Variants in ARHGEF37 observed in about 807,000 individuals in gnomAD.
The protein encoded by ARHGEF37 is Rho guanine nucleotide exchange factor (GEF) 37.
A neutral mutation model predicts 71.1 loss-of-function variants in ARHGEF37; 55 were observed. That is an observed-to-expected ratio of 0.77 (90% confidence interval 0.62 to 0.97). The LOEUF (loss-of-function observed/expected upper bound fraction) is 0.97. ARHGEF37 is among the 50% of genes least tolerant of loss of function. The probability of loss-of-function intolerance (pLI) is 0.00; values close to 1 mark genes in which losing one functional copy is unlikely to be tolerated. For missense variants in ARHGEF37, 765 were observed against 836.8 expected (o/e 0.91, Z 1.06); for synonymous variants, 327 against 350.6 (o/e 0.93, Z 0.75).
Position 149,627,330 on chromosome 5 carries a change from G to A in ARHGEF37, c.1660+59G>A, listed in dbSNP as rs533893088. On this transcript the variant is annotated intron_variant, in intron 11 of 12. Transcript: ENST00000333677. ...CGGGGAAAACCACCCCACAGAAGCC[G>A]GTGCAGAGACCCGGGCACTCTTGTG... 64 of 1,557,318 alleles carry A rather than the reference G, an allele frequency of 4.1e-5. No homozygotes were observed. The Middle Eastern group carries it at 6.7e-4, about 16-fold the overall frequency.
Position 149,632,083 on chromosome 5 carries a change from C to T in ARHGEF37, c.1920C>T (p.Asn640=), listed in dbSNP as rs758818766. 1.9e-6 allele frequency: 3 copies of T among 1,614,236 alleles called. No individual in the cohort carries two copies. Among genetic ancestry groups the T allele is most frequent in the Non-Finnish European group, 2.5e-6 (3 of 1,180,042 alleles). ...TGGAGGCCCAGGACAAGAAGGGGAA[C>T]CCTGAGTGGAGCCTGGTGGAAGTGA... The part of the protein sequence containing the change: ...TILEAQDKKG[N]PEWSLVEVNG... The change falls in exon 13 of 13, where the codon AAC becomes AAT. Residue 640 remains asparagine, a synonymous_variant. Transcript: ENST00000333677.
At chr5:149,629,402 G>C (rs145010060) in intron 12 of ARHGEF37, among the ~76,000 whole-genome samples, 1 of 152,204 alleles carries the variant, frequency 6.6e-6, no homozygotes, top group Non-Finnish European at 1.5e-5. Context: ...TAATAGCAGA[G>C]GTAAGTACCA....
intron 1 of ARHGEF37, among the ~76,000 whole-genome samples, chr5:149,552,821 C>A (rs781460971): frequency 2.0e-5 from 3 of 151,328 alleles, no homozygotes; most frequent in Non-Finnish European, 4.4e-5. Flanking sequence ...ACAGAGAGAC[C>A]CTGTCTCAAA....
In ARHGEF37 at chr5:149,621,925, T is replaced by G. The variant is rs1752555374; in HGVS notation, c.1198T>G (p.Ser400Ala). The G allele has an allele frequency of 1.9e-6, 3 of 1,614,240 alleles. No individual in the cohort carries two copies. Residue 400 changes from serine (S) to alanine (A), a missense_variant, in exon 9 of 13, where the codon TCG becomes GCG. Transcript: ENST00000333677. The stretch of plus-strand genomic sequence containing the variant: ...CCGGCACACATACCAGGCACTCAAC[T>G]CGCTGCTAGTGGCTGAGCTCCCACA... Reference protein sequence around the residue: ...AARHTYQALNSLLVAELPQFN... With the variant: ...AARHTYQALNALLVAELPQFN...
chr5:149,585,641 C>A (rs1763213918), intron 1 of ARHGEF37, among the ~76,000 whole-genome samples: 1 of 151,950 alleles, frequency 6.6e-6, no homozygotes, highest in Admixed American at 6.6e-5. Context: ...CCTCAGCCTC[C>A]CAAGTAGCTG....
At chr5:149,552,045 A>G (rs765201324) in exon 1 of ARHGEF37, 1 of 152,218 alleles carries the variant, frequency 6.6e-6, no homozygotes, top group Non-Finnish European at 1.5e-5. Context: ...GAAGAAAGAA[A>G]GAAGCCGGAA....
Position 149,609,608 on chromosome 5 carries a change from G to C in ARHGEF37, c.371G>C (p.Ser124Thr). 1.2e-6 allele frequency: 2 copies of C among 1,613,872 alleles called. No homozygotes were observed. The highest frequency in any genetic ancestry group is 1.7e-6 in the Non-Finnish European group (2 of 1,180,046). Residue 124 changes from serine (S) to threonine (T), a missense_variant, in exon 4 of 13, where the codon AGC (serine) becomes ACC (threonine). Physicochemically the swap from Ser to Thr is moderately conservative, Grantham distance 58. Around this residue, in one of 5 missense-constraint regions of ARHGEF37, gnomAD observed 201 missense variants for 217.5 expected, o/e 0.92. Transcript: ENST00000333677. ...CAAGTCTATAAGGTCTACTGTGCCA[G>C]CTACGACCAGGCCTTGCTACTGGTG... ...LEQVYKVYCA[S>T]YDQALLLVDT... is the part of the protein sequence containing the mutation.
chr5:149,562,013 G>A (rs970112323), intron 1 of ARHGEF37, among the ~76,000 whole-genome samples: 2 of 152,172 alleles, frequency 1.3e-5, no homozygotes, highest in African/African-American at 4.8e-5. Context: ...TTTGGAAGAT[G>A]CTTGAGTTGC....
chr5:149,624,585 C>T (rs1752627819), intron 10 of ARHGEF37, among the ~76,000 whole-genome samples: 1 of 152,144 alleles, frequency 6.6e-6, no homozygotes. Context: ...ACCAGCCTGG[C>T]CAACATGGCA....
intron 3 of ARHGEF37, among the ~76,000 whole-genome samples, chr5:149,609,285 A>G (rs1321140637): frequency 6.6e-6 from 1 of 152,190 alleles, no homozygotes; most frequent in Non-Finnish European, 1.5e-5. Context: ...TCCTGGTATG[A>G]CTATAGCTAC....
upstream of ARHGEF37, among the ~76,000 whole-genome samples, chr5:149,581,137 A>G (rs181161651): frequency 6.6e-6 from 1 of 152,300 alleles, no homozygotes; most frequent in East Asian, 1.9e-4. Context: ...GCCCAGCCCT[A>G]CAGTTTGGTG....
At chr5:149,592,602 C>T (rs1341737012) in intron 1 of ARHGEF37, among the ~76,000 whole-genome samples, 1 of 152,198 alleles carries the variant, frequency 6.6e-6, no homozygotes, top group Non-Finnish European at 1.5e-5. Flanking sequence ...TCTGTGAACA[C>T]TTATGTACAG....
Position 149,631,964 on chromosome 5 carries a change from A to T in ARHGEF37, c.1819-18A>T, listed in dbSNP as rs1157672527. ...TTCTCACCCTGACCATTTCTGTGTC[A>T]CTCCCCATGTGTTTCAGGTCATAGC... On this transcript the variant is annotated intron_variant, in intron 12 of 12. Transcript: ENST00000333677. The T allele has an allele frequency of 6.2e-7, 1 of 1,612,130 alleles. No homozygotes were observed. The highest frequency in any genetic ancestry group is 8.5e-7 in the Non-Finnish European group (1 of 1,178,594).
At chr5:149,631,135 TCTTCCTTCCTTCTTTC>T (rs778408310) in intron 12 of ARHGEF37, among the ~76,000 whole-genome samples, 84 of 148,430 alleles carry the variant, frequency 5.7e-4, no homozygotes, top group Middle Eastern at 3.6e-3. Flanking sequence ...TTTCTTTCTT[TCTTCCTTCCTTCTTTC>T]CTTCCTTCCT....
chr5:149,585,994 TTTCA>T (rs968066903), intron 1 of ARHGEF37, among the ~76,000 whole-genome samples: 47 of 152,358 alleles, frequency 3.1e-4, no homozygotes, highest in South Asian at 1.0e-3. Flanking sequence ...TGCCCATGTC[TTTCA>T]TTCATTAATT....
At chr5:149,623,451 G>C (rs1752597135) in intron 9 of ARHGEF37, among the ~76,000 whole-genome samples, 1 of 152,224 alleles carries the variant, frequency 6.6e-6, no homozygotes, top group Admixed American at 6.5e-5. Flanking sequence ...GAGGGCAGAA[G>C]AGTAAATCTG....
intron 3 of ARHGEF37, among the ~76,000 whole-genome samples, chr5:149,606,437 C>T: frequency 6.6e-6 from 1 of 152,194 alleles, no homozygotes; most frequent in East Asian, 1.9e-4. Flanking sequence ...TGGCCACCAG[C>T]TGATGTGTCC....
At chr5:149,611,637 C>A in intron 4 of ARHGEF37, among the ~76,000 whole-genome samples, 1 of 152,224 alleles carries the variant, frequency 6.6e-6, no homozygotes, top group Middle Eastern at 3.2e-3. Context: ...ATCTAGTTTC[C>A]TTATGTGTAA....
intron 1 of ARHGEF37, among the ~76,000 whole-genome samples, chr5:149,582,746 A>T (rs533368007): frequency 6.6e-6 from 1 of 152,094 alleles, no homozygotes. Context: ...TATCACAGGT[A>T]CCCTGAAACT....
Sources: allele counts gnomAD v4.1 joint callset (sites outside exome capture counted in the v4.1 genomes callset), GRCh38; gene constraint gnomAD v4.1.1; regional missense constraint gnomAD v4.1.1; transcripts MANE v1.5; gene names NCBI Gene and HGNC (gene_info 2026-07-23, HGNC 2026-07-21).